The following CACNA1G variants were observed in gnomAD, a reference collection of about 807,000 sequenced individuals.
The protein encoded by CACNA1G is voltage-dependent T-type calcium channel subunit alpha-1G.
In CACNA1G, 67 loss-of-function variants were observed where a neutral mutation model predicts 219.4. The observed-to-expected ratio is 0.31, with a 90% CI of 0.25 to 0.37. The LOEUF is 0.37. Among genes scored for constraint, CACNA1G ranks in the 10% least tolerant of loss-of-function variants. CACNA1G has a pLI of 1.00. For synonymous variants in CACNA1G, 1,296 were observed against 1,345.3 expected, an observed-to-expected ratio of 0.96 and a Z score of 0.80; for missense variants, 2,380 against 3,231.4, an observed-to-expected ratio of 0.74 and a Z score of 6.39.
intron 37 of CACNA1G, 94 bp from the exon 38 acceptor site, chr17:50,625,923 T>C: frequency 7.3e-7 from 1 of 1,365,436 alleles, no homozygotes; most frequent in African/African-American, 1.4e-5. Flanking sequence ...CTGTGCCTGG[T>C]GGTGGTGGGC....
At chr17:50,565,066 C>A (rs2037300985) in intron 1 of CACNA1G, among the ~76,000 whole-genome samples, 1 of 152,190 alleles carries the variant, frequency 6.6e-6, no homozygotes, top group South Asian at 2.1e-4. Flanking sequence ...CTCACCCCGC[C>A]CTGCCTGCCT....
rs774314338 is a variant in CACNA1G, at chr17:50,617,943, G to A, written c.5226+14G>A. On this transcript the variant is annotated intron_variant, in intron 30 of 37. Coordinates refer to ENST00000359106, the MANE Select transcript of CACNA1G (RefSeq NM_018896.5). The surrounding 1 kb of genome is among the most constrained non-coding windows in gnomAD (Gnocchi z 5.8). ...GCCCTGCCCCAGGTAGCCGGGAGGTGGGGGGCCTCTGGGGAGGGGGAGGTG... is the reference window on the plus strand; with the variant it reads ...GCCCTGCCCCAGGTAGCCGGGAGGTAGGGGGCCTCTGGGGAGGGGGAGGTG... 3 of 1,613,274 alleles carry A rather than the reference G, an allele frequency of 1.9e-6. No individual in the cohort carries two copies. In the African/African-American group the frequency reaches 4.0e-5, roughly 22 times the overall value.
intron 9 of CACNA1G, among the ~76,000 whole-genome samples, chr17:50,588,859 A>C (rs1177765210): frequency 1.3e-5 from 2 of 152,182 alleles, no homozygotes; most frequent in Non-Finnish European, 2.9e-5. Flanking sequence ...CTCACCTGCT[A>C]GTCAGAAGCC....
Position 50,576,097 on chromosome 17 carries a change from A to T in CACNA1G, c.1695A>T (p.Pro565=). 6.3e-7 allele frequency: 1 copy of T among 1,593,146 alleles called. No homozygotes were observed. The highest frequency in any genetic ancestry group is 8.5e-7 in the Non-Finnish European group (1 of 1,170,950). The change falls in exon 8 of 38, where the codon CCA becomes CCT. Residue 565 remains proline, a synonymous_variant. Transcript: ENST00000359106. ...SFYHADCHLE[P]VRCQAPPPRS... is the part of the protein sequence containing the mutation. ...ACCATGCCGACTGCCACTTAGAGCC[A>T]GTCCGCTGCCAGGCGCCCCCTCCCA...
At chr17:50,580,030 C>G (rs1447350750) in intron 9 of CACNA1G, among the ~76,000 whole-genome samples, 1 of 152,132 alleles carries the variant, frequency 6.6e-6, no homozygotes. Context: ...CCAGGTGCAC[C>G]CCTCCCCATC....
At position 50,608,109 on chromosome 17, in the gene CACNA1G, G is replaced by A. The variant is rs758710017; in HGVS notation, c.4705+90G>A. The stretch of plus-strand genomic sequence containing the variant: ...GCCTTGCGACTGCAGGGGGCTGGGC[G>A]CTGGGGCCGGGGGCAGGGAGAAGAG... On this transcript the variant is annotated intron_variant, in intron 25 of 37. Coordinates refer to ENST00000359106, the MANE Select transcript of CACNA1G (RefSeq NM_018896.5). 92 of 1,226,412 alleles carry A rather than the reference G, an allele frequency of 7.5e-5. 1 individual carries two copies. The highest frequency in any genetic ancestry group is 5.1e-4 in the South Asian group (35 of 68,100). 76.0% of individuals were successfully genotyped at this position (1,226,412 alleles called of 1,614,324 possible). A position where few individuals can be genotyped will look rare whatever the true frequency, so the allele number is the denominator to read the frequency against.
intron 35 of CACNA1G, among the ~76,000 whole-genome samples, chr17:50,623,589 C>T (rs1170487795): frequency 6.6e-6 from 1 of 151,710 alleles, no homozygotes; most frequent in Non-Finnish European, 1.5e-5. Context: ...GGATACCTCC[C>T]CGCCCCTCCA....
Position 50,578,925 on chromosome 17 carries a change from C to T in CACNA1G, c.2301+361C>T, listed in dbSNP as rs750556926. 1.3e-5 allele frequency among the ~76,000 whole-genome samples: 2 copies of T among 151,926 alleles called. No individual in the cohort carries two copies. Among genetic ancestry groups the T allele is most frequent in the South Asian group, 2.1e-4 (1 of 4,810 alleles). ...TTTGGAGAAGGTGTAGTGCGGAGGG[C>T]GGGTGTTGGAGGTCCTGTGGCATCC... On this transcript the variant is annotated intron_variant, in intron 9 of 37. Transcript: ENST00000359106. This position sits in a 1 kb window ranked among gnomAD's most constrained non-coding sequence, Gnocchi z 4.5.
At chr17:50,573,981 A>T (rs947598543) in intron 7 of CACNA1G, among the ~76,000 whole-genome samples, 2 of 152,180 alleles carry the variant, frequency 1.3e-5, no homozygotes, top group South Asian at 4.1e-4. Flanking sequence ...TGACCCTACC[A>T]GACGCTTTGC....
At chr17:50,613,697 G>A (rs564211277) in intron 26 of CACNA1G, among the ~76,000 whole-genome samples, 36 of 152,360 alleles carry the variant, frequency 2.4e-4, no homozygotes, top group African/African-American at 8.4e-4. Context: ...TTAGCATAAT[G>A]GGATCGGGTG....
rs200316909 is a variant in CACNA1G at position 50,603,259 on chromosome 17, T to C, written c.4169+60T>C. 2.1e-6 allele frequency: 3 copies of C among 1,433,612 alleles called. No homozygotes were observed. Among genetic ancestry groups the C allele is most frequent in the Non-Finnish European group, 2.8e-6 (3 of 1,053,654 alleles). 88.8% of individuals were successfully genotyped at this position (1,433,612 alleles called of 1,614,324 possible). A position where few individuals can be genotyped will look rare whatever the true frequency, so the allele number is the denominator to read the frequency against. ...AGGTGGCCCCCTCCGCAGGGACATC[T>C]CCCACCGCCAGCACTCCCTGCCACG... is the stretch of plus-strand genomic sequence containing the variant. On this transcript the variant is annotated intron_variant, in intron 21 of 37. Coordinates refer to ENST00000359106, the MANE Select transcript of CACNA1G (RefSeq NM_018896.5). The surrounding 1 kb of genome is among the most constrained non-coding windows in gnomAD (Gnocchi z 6.4).
At position 50,621,257 on chromosome 17, in the gene CACNA1G, TTTC is replaced by T. The variant is rs1454962352; in HGVS notation, c.5926-399_5926-397del. 2.0e-5 allele frequency among the ~76,000 whole-genome samples: 3 copies of T among 151,202 alleles called. No homozygotes were observed. Among genetic ancestry groups the T allele is most frequent in the Non-Finnish European group, 2.9e-5 (2 of 67,852 alleles). On this transcript the variant is annotated intron_variant, in intron 34 of 37. Coordinates refer to ENST00000359106, the MANE Select transcript of CACNA1G (RefSeq NM_018896.5). The surrounding 1 kb of genome is among the most constrained non-coding windows in gnomAD (Gnocchi z 4.6). ...GAGGAGAGACAGTGCTTTGCTGGCC[TTTC>T]TTCATTTTTTTTTTTTTTGGTATCA...
At chr17:50,595,117 C>T (rs1442489254) in intron 14 of CACNA1G, 56 bp downstream of exon 14, 22 of 1,306,276 alleles carry the variant, frequency 1.7e-5, no homozygotes, top group Non-Finnish European at 2.2e-5. Context: ...CGTGCCCCTC[C>T]ACTCCGCCTC....
chr17:50,622,223 G>A (rs1161441708), intron 35 of CACNA1G, among the ~76,000 whole-genome samples: 1 of 139,728 alleles, frequency 7.2e-6, no homozygotes, highest in Non-Finnish European at 1.5e-5. Flanking sequence ...ACACCACGTG[G>A]TGGGTGAGAG....
intron 25 of CACNA1G, among the ~76,000 whole-genome samples, chr17:50,609,534 T>G (rs1360485540): frequency 1.3e-5 from 2 of 152,200 alleles, no homozygotes; most frequent in South Asian, 2.1e-4. Context: ...GCGGCACTTG[T>G]GGCCCCTGCC....
chr17:50,580,665 G>A (rs1365222554), intron 9 of CACNA1G, among the ~76,000 whole-genome samples: 1 of 152,128 alleles, frequency 6.6e-6, no homozygotes, highest in Non-Finnish European at 1.5e-5. Context: ...ACAGCCCAGG[G>A]CTCCCACTAA....
At position 50,617,784 on chromosome 17, in the gene CACNA1G, C is replaced by A; in HGVS notation, c.5156-75C>A. The A allele has an allele frequency of 6.4e-7, 1 of 1,552,706 alleles. No homozygotes were observed. On this transcript the variant is annotated intron_variant, in intron 29 of 37. Transcript: ENST00000359106. The surrounding 1 kb of genome is among the most constrained non-coding windows in gnomAD (Gnocchi z 5.8). ...GGCCATCCCAGCAGCCCCAGCCCAG[C>A]CCTGGTCCTGACTCTGCCAGCTGTC...
intron 1 of CACNA1G, among the ~76,000 whole-genome samples, chr17:50,566,639 G>A (rs1337209464): frequency 6.6e-6 from 1 of 152,226 alleles, no homozygotes; most frequent in Non-Finnish European, 1.5e-5. Flanking sequence ...TCTGTCAAGG[G>A]AAACAAGGCA....
intron 34 of CACNA1G, among the ~76,000 whole-genome samples, chr17:50,620,232 G>A (rs958262697): frequency 4.6e-5 from 7 of 152,172 alleles, no homozygotes; most frequent in Non-Finnish European, 8.8e-5. Flanking sequence ...CAGGGAGCCC[G>A]CTGCCAAGCT....
Sources: allele counts gnomAD v4.1 joint callset (sites outside exome capture counted in the v4.1 genomes callset), GRCh38; gene constraint gnomAD v4.1.1; non-coding constraint Gnocchi (gnomAD v3.1); transcripts MANE v1.5; gene names NCBI Gene and HGNC (gene_info 2026-07-23, HGNC 2026-07-21).